Variants in MYO1E observed in about 807,000 individuals in gnomAD.
MYO1E encodes unconventional myosin-Ie.
MYO1E carries 68 observed loss-of-function variants against 151.1 expected under a neutral mutation model. That is an observed-to-expected ratio of 0.45 (90% CI 0.37 to 0.55). The LOEUF (loss-of-function observed/expected upper bound fraction) is 0.55. Ranked by LOEUF, MYO1E falls within the 20% of genes least tolerant of loss-of-function variation. MYO1E has a pLI of 0.00. For missense variants in MYO1E, 1,363 were observed against 1,389.3 expected, an observed-to-expected ratio of 0.98 and a Z score of 0.30; for synonymous variants, 601 against 501.7, an observed-to-expected ratio of 1.20 and a Z score of -2.64.
chr15:59,324,665 C>CCCA (rs2080651531), intron 1 of MYO1E, among the ~76,000 whole-genome samples: 1 of 6,254 alleles, frequency 1.6e-4, no homozygotes, highest in African/African-American at 2.4e-4. Context: ...CATCCCAAGC[C>CCCA]CCCCCCCCAC....
At chr15:59,298,143 T>C (rs1353037886) in intron 1 of MYO1E, among the ~76,000 whole-genome samples, 1 of 152,198 alleles carries the variant, frequency 6.6e-6, no homozygotes, top group Non-Finnish European at 1.5e-5. Flanking sequence ...CAAAGTGATT[T>C]GTGGTGAGAT....
chr15:59,169,423 C>G (rs954986677), intron 22 of MYO1E, among the ~76,000 whole-genome samples: 2 of 152,200 alleles, frequency 1.3e-5, no homozygotes, highest in Admixed American at 6.5e-5. Flanking sequence ...ACATCACCCT[C>G]TGGTTGCTTT....
chr15:59,327,806 A>G (rs2080674506), intron 1 of MYO1E, among the ~76,000 whole-genome samples: 1 of 152,176 alleles, frequency 6.6e-6, no homozygotes, highest in South Asian at 2.1e-4. Context: ...AGCAGAAATA[A>G]CAAGATGTGC....
chr15:59,187,550 G>C (rs1184346477), intron 18 of MYO1E, among the ~76,000 whole-genome samples: 1 of 152,196 alleles, frequency 6.6e-6, no homozygotes, highest in Admixed American at 6.5e-5. Flanking sequence ...TAAATGCAGA[G>C]TTACCATATG....
chr15:59,269,222 T>C (rs2140380025), intron 2 of MYO1E, among the ~76,000 whole-genome samples: 1 of 152,348 alleles, frequency 6.6e-6, no homozygotes, highest in Admixed American at 6.5e-5. Context: ...GTTTACTTGC[T>C]GCATTCTTTA....
chr15:59,156,517 T>G (rs1220818415), intron 25 of MYO1E, among the ~76,000 whole-genome samples: 3 of 152,156 alleles, frequency 2.0e-5, no homozygotes, highest in Non-Finnish European at 2.9e-5. Flanking sequence ...TTTGTAGAGA[T>G]GGGGTTTTGC....
intron 7 of MYO1E, 136 bp from the exon 8 acceptor site, chr15:59,224,959 A>C: frequency 8.5e-7 from 1 of 1,181,184 alleles, no homozygotes; most frequent in Non-Finnish European, 1.2e-6. Flanking sequence ...TGGCCCCCAA[A>C]TATGTACTTG....
At chr15:59,247,137 A>G (rs1215822255) in intron 4 of MYO1E, among the ~76,000 whole-genome samples, 3 of 152,166 alleles carry the variant, frequency 2.0e-5, no homozygotes, top group Non-Finnish European at 4.4e-5. Context: ...CGGAGGTTGC[A>G]GTGTGTTGAA....
At chr15:59,216,718 ACACACAT>A (rs1676157208) in intron 10 of MYO1E, among the ~76,000 whole-genome samples, 1 of 133,352 alleles carries the variant, frequency 7.5e-6, no homozygotes, top group Admixed American at 7.5e-5. Flanking sequence ...ACACACACAC[ACACACAT>A]AATTATGCCA....
At chr15:59,311,688 C>A (rs2080553176) in intron 1 of MYO1E, among the ~76,000 whole-genome samples, 1 of 152,156 alleles carries the variant, frequency 6.6e-6, no homozygotes, top group Non-Finnish European at 1.5e-5. Context: ...ACGTGTCTTC[C>A]AAAGTTCATG....
At chr15:59,144,403 G>C (rs2079428825) in intron 26 of MYO1E, among the ~76,000 whole-genome samples, 1 of 152,042 alleles carries the variant, frequency 6.6e-6, no homozygotes, top group Non-Finnish European at 1.5e-5. Flanking sequence ...CTGACCTCAA[G>C]TGATCCGCCC....
At chr15:59,245,256 A>G (rs2080122778) in intron 4 of MYO1E, among the ~76,000 whole-genome samples, 1 of 152,256 alleles carries the variant, frequency 6.6e-6, no homozygotes. Flanking sequence ...GTGCCACAGC[A>G]AAGAGCACGA....
intron 17 of MYO1E, among the ~76,000 whole-genome samples, chr15:59,193,310 T>C (rs1159609956): frequency 1.3e-5 from 2 of 152,212 alleles, no homozygotes; most frequent in Admixed American, 6.5e-5. Flanking sequence ...GTATGATTGA[T>C]TGATTGATTG....
chr15:59,278,410 A>G (rs1412824652), intron 1 of MYO1E, among the ~76,000 whole-genome samples: 2 of 152,256 alleles, frequency 1.3e-5, no homozygotes, highest in Admixed American at 1.3e-4. Context: ...CAGGAAAGGG[A>G]CTACCTATTT....
chr15:59,359,422 G>A (rs1046445067), intron 1 of MYO1E, among the ~76,000 whole-genome samples: 22 of 151,540 alleles, frequency 1.5e-4, no homozygotes, highest in Non-Finnish European at 2.5e-4. Flanking sequence ...CTAGGAGGTT[G>A]AGGCTACAGT....
chr15:59,315,261 C>A (rs1199905279), intron 1 of MYO1E, among the ~76,000 whole-genome samples: 1 of 152,130 alleles, frequency 6.6e-6, no homozygotes, highest in Admixed American at 6.5e-5. Context: ...AAAGCCTTAA[C>A]TAGTACACAA....
chr15:59,325,500 ATTAT>A (rs1325044134), intron 1 of MYO1E, among the ~76,000 whole-genome samples: 3 of 152,190 alleles, frequency 2.0e-5, no homozygotes, highest in African/African-American at 7.2e-5. Flanking sequence ...ACAGGTTGAG[ATTAT>A]TTATTTATTT....
At chr15:59,314,088 T>G (rs1363448023) in intron 1 of MYO1E, among the ~76,000 whole-genome samples, 1 of 152,174 alleles carries the variant, frequency 6.6e-6, no homozygotes, top group Non-Finnish European at 1.5e-5. Flanking sequence ...TCAATCTCCC[T>G]GGACTAGACA....
At chr15:59,329,551 A>T (rs1410855158) in intron 1 of MYO1E, among the ~76,000 whole-genome samples, 3 of 152,250 alleles carry the variant, frequency 2.0e-5, no homozygotes, top group Non-Finnish European at 2.9e-5. Context: ...AATACTCTAA[A>T]GAACATTCTA....
Sources: gnomAD v4.1 joint callset for allele counts (sites outside exome capture counted in the v4.1 genomes callset) on GRCh38, gnomAD v4.1.1 for gene constraint, MANE v1.5 for transcripts, NCBI Gene and HGNC (gene_info 2026-07-23, HGNC 2026-07-21) for gene names.